The following AKAP12 variants were observed in gnomAD, a reference collection of about 807,000 sequenced individuals.
AKAP12 encodes the protein A-kinase anchor protein 12.
AKAP12 carries 32 observed loss-of-function variants against 79.9 expected under a neutral mutation model. The observed-to-expected ratio is 0.40, with a 90% CI of 0.30 to 0.54. AKAP12 has a LOEUF of 0.54. AKAP12 is among the 20% of genes least tolerant of loss of function. AKAP12 has a pLI of 0.48. For missense variants in AKAP12, 2,074 were observed against 2,177.0 expected (o/e 0.95, Z 0.94); for synonymous variants, 808 against 857.0 (o/e 0.94, Z 1.00).
At position 151,348,867 on chromosome 6, in the gene AKAP12, TA is replaced by T; in HGVS notation, c.478del (p.Thr160HisfsTer26). On this transcript the variant is annotated frameshift_variant, in exon 4 of 5. Transcript: ENST00000402676. LOFTEE classifies it high-confidence loss of function. The part of the protein sequence containing the change: ...IPSSESNLEE[L>X]TQPTESQAND... ...TCTTCAGAAAGCAATTTAGAAGAGC[TA>T]ACACAACCCACTGAGTCCCAGGCTA... 6.2e-7 allele frequency: 1 copy of T among 1,614,148 alleles called. No individual in the cohort carries two copies. Among genetic ancestry groups the T allele is most frequent in the Non-Finnish European group, 8.5e-7 (1 of 1,180,032 alleles).
intron 3 of AKAP12, among the ~76,000 whole-genome samples, chr6:151,315,252 C>T (rs1777209659): frequency 6.6e-6 from 1 of 152,138 alleles, no homozygotes; most frequent in Non-Finnish European, 1.5e-5. Context: ...ACTTATAGTT[C>T]TGGAGGCTGG....
At chr6:151,263,566 G>T (rs1347859154) in intron 2 of AKAP12, among the ~76,000 whole-genome samples, 1 of 151,718 alleles carries the variant, frequency 6.6e-6, no homozygotes, top group Non-Finnish European at 1.5e-5. Flanking sequence ...TCTCTTGAGA[G>T]ATTTTCTTTT....
At position 151,250,186 on chromosome 6, in the gene AKAP12, A is replaced by G. The variant is rs966485906; in HGVS notation, c.162+9462A>G. ...CTAGAGCCCGGGAAGTTGAAGCTGC[A>G]GAGACCCTGTCTCAAAAAAATAAAT... On this transcript the variant is annotated intron_variant, in intron 2 of 4. Transcript: ENST00000402676. Among the ~76,000 whole-genome samples, 5 of 152,198 alleles carry G rather than the reference A, an allele frequency of 3.3e-5. No homozygotes were observed. The East Asian group carries it at 7.7e-4, about 24-fold the overall frequency.
rs1562755206 is a variant in AKAP12, at chr6:151,351,754, A to G, written c.3363A>G (p.Glu1121=). ...VVGQTTPESF[E]KAPQVTESIE... ...GGCAGACCACCCCAGAAAGCTTTGA[A>G]AAAGCTCCTCAAGTCACAGAGAGCA... is the stretch of plus-strand genomic sequence containing the variant. The change falls in exon 4 of 5, where the codon GAA becomes GAG. Residue 1121 remains glutamate, a synonymous_variant. Coordinates refer to ENST00000402676, the MANE Select transcript of AKAP12 (RefSeq NM_005100.4). This position sits in a 1 kb window ranked among gnomAD's most constrained non-coding sequence, Gnocchi z 4.4. The G allele has an allele frequency of 1.2e-6, 2 of 1,614,188 alleles. No individual in the cohort carries two copies. The highest frequency in any genetic ancestry group is 1.7e-6 in the Non-Finnish European group (2 of 1,180,030).
chr6:151,353,571 C>A lies in AKAP12; in HGVS notation c.5180C>A (p.Ser1727Tyr), dbSNP rs1188437231. Residue 1727 changes from serine (S) to tyrosine (Y), a missense_variant, in exon 4 of 5, where the codon TCC becomes TAC. Ser to Tyr is a moderately radical substitution (Grantham distance 144). This residue lies in a region of AKAP12 where 614 missense variants were observed against 665.6 expected (regional missense o/e 0.92). Transcript: ENST00000402676. The stretch of plus-strand genomic sequence containing the variant: ...GCCTCAGGAGGCTTAACCAAAGAGT[C>A]CCCAGATACAAATGGACCAAAACAA... ...TDASGGLTKE[S>Y]PDTNGPKQKE... 2 of 1,614,088 alleles carry A rather than the reference C, an allele frequency of 1.2e-6. No individual in the cohort carries two copies. The highest frequency in any genetic ancestry group is 1.7e-6 in the Non-Finnish European group (2 of 1,179,992).
In AKAP12 at chr6:151,275,528, C is replaced by T. The variant is rs138705461; in HGVS notation, c.163-30219C>T. ...GACTGAGACCTTCACTCAGAAATTC[C>T]ACGATAGCAGACGTCACCTTTCTCA... is the stretch of plus-strand genomic sequence containing the variant. On this transcript the variant is annotated intron_variant, in intron 2 of 4. Transcript: ENST00000402676. Among the ~76,000 whole-genome samples, 63 of 152,254 alleles carry T rather than the reference C, an allele frequency of 4.1e-4. No homozygotes were observed. The South Asian group carries it at 5.0e-3, about 12-fold the overall frequency.
chr6:151,244,449 G>A (rs940820238), intron 2 of AKAP12, among the ~76,000 whole-genome samples: 14 of 152,006 alleles, frequency 9.2e-5, no homozygotes, highest in African/African-American at 3.4e-4. Context: ...GCGTGAACTC[G>A]GGAAGCGGAG....
intron 3 of AKAP12, among the ~76,000 whole-genome samples, chr6:151,317,640 T>C (rs767510513): frequency 2.6e-5 from 4 of 152,226 alleles, no homozygotes; most frequent in Admixed American, 6.5e-5. Flanking sequence ...ACTGAAAGAA[T>C]TGACTGGAGG....
At chr6:151,260,312 G>A (rs548029360) in intron 2 of AKAP12, among the ~76,000 whole-genome samples, 2 of 152,192 alleles carry the variant, frequency 1.3e-5, no homozygotes, top group South Asian at 2.1e-4. Flanking sequence ...TGATTCGATC[G>A]CTCTTGAGTT....
intron 2 of AKAP12, among the ~76,000 whole-genome samples, chr6:151,278,290 A>G (rs896802412): frequency 6.6e-6 from 1 of 152,180 alleles, no homozygotes; most frequent in Non-Finnish European, 1.5e-5. Context: ...ATCTCGGCTC[A>G]CTGCAGGCTT....
chr6:151,325,664 C>G (rs1253443071), intron 3 of AKAP12: 3 of 1,413,952 alleles, frequency 2.1e-6, no homozygotes, highest in Middle Eastern at 2.4e-4. Flanking sequence ...TGGGGAAATG[C>G]ATCCGCGCTC....
intron 3 of AKAP12, chr6:151,326,004 C>A: frequency 2.2e-6 from 3 of 1,364,900 alleles, no homozygotes; most frequent in South Asian, 1.2e-5. Context: ...GTGGCGGGAC[C>A]GTTATTGGCA....
At chr6:151,343,255 A>G (rs1777999077) in intron 3 of AKAP12, among the ~76,000 whole-genome samples, 1 of 152,170 alleles carries the variant, frequency 6.6e-6, no homozygotes, top group Non-Finnish European at 1.5e-5. Flanking sequence ...TATATTAGCA[A>G]CATGTCTCTG....
At chr6:151,277,666 A>T (rs1344683098) in intron 2 of AKAP12, among the ~76,000 whole-genome samples, 1 of 152,180 alleles carries the variant, frequency 6.6e-6, no homozygotes, top group African/African-American at 2.4e-5. Flanking sequence ...TTTCTTTGGT[A>T]ATCTTTTATT....
intron 2 of AKAP12, among the ~76,000 whole-genome samples, chr6:151,299,397 T>C (rs1421935375): frequency 6.6e-6 from 1 of 152,172 alleles, no homozygotes; most frequent in Non-Finnish European, 1.5e-5. Flanking sequence ...ACCGTGTCTG[T>C]TCTCCCAATT....
chr6:151,312,809 A>AAAAAAAAAG (rs1248913264), intron 3 of AKAP12, among the ~76,000 whole-genome samples: 1 of 151,238 alleles, frequency 6.6e-6, no homozygotes, highest in African/African-American at 2.4e-5. Context: ...AAAAAAAAAA[A>AAAAAAAAAG]AAGAATCATG....
At chr6:151,244,073 G>A (rs1797025165) in intron 2 of AKAP12, among the ~76,000 whole-genome samples, 1 of 152,136 alleles carries the variant, frequency 6.6e-6, no homozygotes, top group Admixed American at 6.6e-5. Context: ...TTGCAACAGG[G>A]TGAGGCCATT....
intron 2 of AKAP12, among the ~76,000 whole-genome samples, chr6:151,271,565 G>A (rs1020262733): frequency 1.3e-5 from 2 of 151,552 alleles, no homozygotes; most frequent in Admixed American, 6.6e-5. Flanking sequence ...CAAGCAATCC[G>A]CCCACCTCGG....
intron 2 of AKAP12, among the ~76,000 whole-genome samples, chr6:151,275,058 C>G (rs9478190): frequency 0.038 from 5,799 of 152,056 alleles, 353 homozygotes; most frequent in African/African-American, 0.13. Flanking sequence ...GAGCCGTGAT[C>G]GCGCCACTGC....
Sources: gnomAD v4.1 joint callset for allele counts (sites outside exome capture counted in the v4.1 genomes callset) on GRCh38, gnomAD v4.1.1 for gene constraint, gnomAD v4.1.1 regional missense constraint, Gnocchi (gnomAD v3.1) non-coding constraint, MANE v1.5 for transcripts, NCBI Gene and HGNC (gene_info 2026-07-23, HGNC 2026-07-21) for gene names.